CNST: variants seen among roughly 807,000 people sequenced by gnomAD.
CNST encodes the protein consortin.
Under a neutral mutation model 72.4 loss-of-function variants are expected in CNST, and 39 were observed. The observed-to-expected ratio is 0.54, with a 90% CI of 0.42 to 0.70. The LOEUF (loss-of-function observed/expected upper bound fraction) is 0.70, where lower values mean the gene tolerates loss of function less well. Ranked by LOEUF, CNST falls within the 30% of genes least tolerant of loss-of-function variation. CNST has a pLI of 0.00. For missense variants in CNST, 871 were observed against 868.5 expected, an observed-to-expected ratio of 1.00 and a Z score of -0.04; for synonymous variants, 332 against 320.1, an observed-to-expected ratio of 1.04 and a Z score of -0.40.
At position 246,665,902 on chromosome 1, in the gene CNST, C is replaced by T. The variant is rs1360588795; in HGVS notation, c.2175C>T (p.Ser725=). Residue 725 remains serine (S), a synonymous_variant, in exon 11 of 11, where the codon TCC becomes TCT. Coordinates refer to ENST00000366513, the MANE Select transcript of CNST (RefSeq NM_152609.3). The part of the protein sequence containing the change: ...VAELKHWIYL[S] Reference sequence around the variant, plus strand: ...AACTGAAGCACTGGATCTACCTCTCCTAGCAGCATTCCAGACACAGACATG... The same window carrying T: ...AACTGAAGCACTGGATCTACCTCTCTTAGCAGCATTCCAGACACAGACATG... 3 of 1,603,410 alleles carry T rather than the reference C, an allele frequency of 1.9e-6. No individual in the cohort carries two copies. The highest frequency in any genetic ancestry group is 2.6e-6 in the Non-Finnish European group (3 of 1,171,096).
intron 9 of CNST, among the ~76,000 whole-genome samples, chr1:246,655,119 G>A (rs1007796482): frequency 6.6e-6 from 1 of 151,910 alleles, no homozygotes; most frequent in Non-Finnish European, 1.5e-5. Context: ...TTTCTATTTT[G>A]TACTTACTAA....
At chr1:246,654,823 GT>G (rs10710289) in intron 9 of CNST, among the ~76,000 whole-genome samples, 133,566 of 150,650 alleles carry the variant, frequency 0.89, 59,150 homozygotes, top group Admixed American at 0.92. Context: ...GCTTATCTGT[GT>G]TTTTTTTTTT....
At chr1:246,633,876 A>G in intron 4 of CNST, 48 bp from the exon 5 acceptor site, 1 of 1,251,524 alleles carries the variant, frequency 8.0e-7, no homozygotes, top group African/African-American at 1.5e-5. Flanking sequence ...AAATATGGGA[A>G]TAATGTAAAT....
chr1:246,593,172 ATATT>A (rs1185651574), intron 2 of CNST, among the ~76,000 whole-genome samples: 2 of 152,206 alleles, frequency 1.3e-5, no homozygotes, highest in African/African-American at 4.8e-5. Context: ...TACAAAATCC[ATATT>A]TATTCAATAA....
intron 9 of CNST, among the ~76,000 whole-genome samples, chr1:246,649,964 C>T (rs2103140356): frequency 6.6e-6 from 1 of 151,830 alleles, no homozygotes; most frequent in Non-Finnish European, 1.5e-5. Context: ...TGTAGCATTT[C>T]TCCTGTATAT....
intron 9 of CNST, among the ~76,000 whole-genome samples, chr1:246,655,007 A>G (rs545191001): frequency 1.3e-5 from 2 of 152,348 alleles, no homozygotes; most frequent in African/African-American, 4.8e-5. Context: ...CTATTAAAGA[A>G]TTTCAGCAAG....
At chr1:246,575,641 A>G (rs1660355848) in intron 1 of CNST, among the ~76,000 whole-genome samples, 1 of 152,096 alleles carries the variant, frequency 6.6e-6, no homozygotes, top group East Asian at 1.9e-4. Flanking sequence ...CGGGGTGATA[A>G]GATGTTCTAG....
chr1:246,579,590 A>G (rs1660657531), intron 1 of CNST, among the ~76,000 whole-genome samples: 1 of 152,128 alleles, frequency 6.6e-6, no homozygotes, highest in Admixed American at 6.6e-5. Context: ...GAAACATGGT[A>G]AAACTCCATC....
chr1:246,610,948 G>A (rs1025609452), intron 2 of CNST, among the ~76,000 whole-genome samples: 4 of 151,862 alleles, frequency 2.6e-5, no homozygotes, highest in East Asian at 1.9e-4. Context: ...GCACCCCTCC[G>A]CCCGCTTGGC....
chr1:246,592,227 G>A (rs1661593171), intron 2 of CNST, among the ~76,000 whole-genome samples: 1 of 152,084 alleles, frequency 6.6e-6, no homozygotes, highest in African/African-American at 2.4e-5. Context: ...GGTGGCTCAC[G>A]CCTGTAATTA....
rs115475976 is a variant in CNST at position 246,608,395 on chromosome 1, C to T, written c.380-13034C>T. Reference sequence around the variant, plus strand: ...TAGCATCACAAATTGCATGCTTGGGCAAATGTCTTACACAGTTTTAGTTTT... The same window carrying T: ...TAGCATCACAAATTGCATGCTTGGGTAAATGTCTTACACAGTTTTAGTTTT... On this transcript the variant is annotated intron_variant, in intron 2 of 10. Transcript: ENST00000366513. Among the ~76,000 whole-genome samples the T allele has an allele frequency of 7.0e-3, 1,063 of 152,228 alleles. 7 individuals are homozygous for T. The highest frequency in any genetic ancestry group is 0.011 in the Non-Finnish European group (736 of 68,010).
chr1:246,634,299 G>A (rs1664986378), intron 5 of CNST, 174 bp from the exon 6 acceptor site: 1 of 567,518 alleles, frequency 1.8e-6, no homozygotes, highest in African/African-American at 1.9e-5. Context: ...TCTCTAGGAT[G>A]ATATTTACTT....
intron 9 of CNST, among the ~76,000 whole-genome samples, chr1:246,648,864 A>T (rs1666285564): frequency 6.6e-6 from 1 of 152,146 alleles, no homozygotes; most frequent in Non-Finnish European, 1.5e-5. Flanking sequence ...CTAAATCAGC[A>T]TTATCATTGA....
intron 9 of CNST, among the ~76,000 whole-genome samples, chr1:246,653,350 G>C (rs1208870098): frequency 1.3e-5 from 2 of 152,206 alleles, no homozygotes; most frequent in African/African-American, 2.4e-5. Flanking sequence ...GAAGATGGGA[G>C]GCTAGCACTA....
chr1:246,629,793 G>A (rs556640399), intron 3 of CNST, among the ~76,000 whole-genome samples: 44 of 152,138 alleles, frequency 2.9e-4, no homozygotes, highest in Non-Finnish European at 1.5e-5. Context: ...ATGCAGTGGC[G>A]CAATTTCGGC....
chr1:246,652,872 C>T (rs1365055213), intron 9 of CNST, among the ~76,000 whole-genome samples: 22 of 150,514 alleles, frequency 1.5e-4, no homozygotes, highest in East Asian at 1.2e-3. Flanking sequence ...GGCGTGGTGG[C>T]GGGCGCCTGT....
chr1:246,601,262 G>A (rs1484699680), intron 2 of CNST, among the ~76,000 whole-genome samples: 2 of 152,010 alleles, frequency 1.3e-5, no homozygotes, highest in Non-Finnish European at 2.9e-5. Context: ...CCATGATCAC[G>A]CCACTGCACT....
chr1:246,575,242 A>C (rs994678450), intron 1 of CNST, among the ~76,000 whole-genome samples: 1 of 152,130 alleles, frequency 6.6e-6, no homozygotes, highest in East Asian at 1.9e-4. Flanking sequence ...CCTTTTGTCA[A>C]GTGTTCAGAC....
At chr1:246,614,100 A>G (rs1222831469) in intron 2 of CNST, among the ~76,000 whole-genome samples, 1 of 152,006 alleles carries the variant, frequency 6.6e-6, no homozygotes, top group Non-Finnish European at 1.5e-5. Context: ...AAAATGCTTG[A>G]GATTGGAAGT....
Sources: gnomAD v4.1 joint callset for allele counts (sites outside exome capture counted in the v4.1 genomes callset) on GRCh38, gnomAD v4.1.1 for gene constraint, MANE v1.5 for transcripts, NCBI Gene and HGNC (gene_info 2026-07-23, HGNC 2026-07-21) for gene names.